ABI3: variants seen among roughly 807,000 people sequenced by gnomAD.
ABI3 encodes the protein ABI gene family member 3.
ABI3 carries 24 observed loss-of-function variants against 37.0 expected under a neutral mutation model. The ratio of observed to expected loss-of-function variants is 0.65; its 90% CI spans 0.47 to 0.91. The LOEUF is 0.91. Ranked by LOEUF, ABI3 falls within the 40% of genes least tolerant of loss-of-function variation. The pLI, the probability that ABI3 is intolerant of heterozygous loss-of-function variation, is 0.00. For synonymous variants in ABI3, 220 were observed against 211.8 expected, an observed-to-expected ratio of 1.04 and a Z score of -0.34; for missense variants, 481 against 485.1, an observed-to-expected ratio of 0.99 and a Z score of 0.08.
chr17:49,222,614 G>C lies in ABI3; in HGVS notation c.1000G>C (p.Val334Leu). The change falls in exon 8 of 8, where the codon GTC becomes CTC. Residue 334 changes from valine (V) to leucine (L), a missense_variant. By Grantham distance (32) the Val-to-Leu change is conservative. Transcript: ENST00000225941. ...DNELSFSEGT[V>L]ICVTRRYSDG... ...TGAGCTCTCCTTCTCTGAGGGCACTGTCATCTGTGTCACTCGCCGCTACTC... is the reference window on the plus strand; with the variant it reads ...TGAGCTCTCCTTCTCTGAGGGCACTCTCATCTGTGTCACTCGCCGCTACTC... The C allele has an allele frequency of 6.2e-7, 1 of 1,614,014 alleles. No individual in the cohort carries two copies. Among genetic ancestry groups the C allele is most frequent in the Non-Finnish European group, 8.5e-7 (1 of 1,180,026 alleles).
At position 49,216,564 on chromosome 17, in the gene ABI3, A is replaced by G. The variant is rs143614623; in HGVS notation, c.151A>G (p.Met51Val). The part of the protein sequence containing the change: ...TDKRKALEET[M>V]AFTTQALASV... ...CAAGCGGAAGGCGCTGGAGGAGACCATGGCCTTCACTACCCAGGCACTGGC... is the reference window on the plus strand; with the variant it reads ...CAAGCGGAAGGCGCTGGAGGAGACCGTGGCCTTCACTACCCAGGCACTGGC... Residue 51 changes from methionine (M) to valine (V), a missense_variant, in exon 2 of 8, where the codon ATG becomes GTG. Met to Val is a conservative substitution (Grantham distance 21). Coordinates refer to ENST00000225941, the MANE Select transcript of ABI3 (RefSeq NM_016428.3). 5 of 1,608,416 alleles carry G rather than the reference A, an allele frequency of 3.1e-6. No homozygotes were observed. Among genetic ancestry groups the G allele is most frequent in the Non-Finnish European group, 4.2e-6 (5 of 1,177,566 alleles).
At chr17:49,213,352 C>G (rs1195873533) in intron 1 of ABI3, among the ~76,000 whole-genome samples, 2 of 152,218 alleles carry the variant, frequency 1.3e-5, no homozygotes, top group Admixed American at 6.5e-5. Context: ...ACTACTAGAA[C>G]ACACAACTTG....
chr17:49,217,883 G>T lies in ABI3; in HGVS notation c.430G>T (p.Gly144Cys). 3 of 1,577,710 alleles carry T rather than the reference G, an allele frequency of 1.9e-6. No homozygotes were observed. In the South Asian group the frequency reaches 3.5e-5, roughly 18 times the overall value. Residue 144 changes from glycine (G) to cysteine (C), a missense_variant, in exon 3 of 8, where the codon GGC (glycine) becomes TGC (cysteine). Gly to Cys is a radical substitution (Grantham distance 159). Coordinates refer to ENST00000225941, the MANE Select transcript of ABI3 (RefSeq NM_016428.3). ...CTACTGCAGGAGACCCCTCAACTTT[G>T]GCTGCCTGGACGACATTGGCCATGG... Reference protein sequence around the residue: ...TPYCRRPLNFGCLDDIGHGIK... With the variant: ...TPYCRRPLNFCCLDDIGHGIK...
chr17:49,214,027 T>C (rs1462844142), intron 1 of ABI3, among the ~76,000 whole-genome samples: 2 of 152,218 alleles, frequency 1.3e-5, no homozygotes, highest in Non-Finnish European at 2.9e-5. Context: ...GACATGCAAA[T>C]GAGCATCTCT....
intron 1 of ABI3, among the ~76,000 whole-genome samples, chr17:49,212,891 T>A (rs2158512): frequency 6.6e-6 from 1 of 152,276 alleles, no homozygotes; most frequent in South Asian, 2.1e-4. Context: ...AAGGCATGTT[T>A]CCTCTATGGA....
rs2043257850 is a variant in ABI3, at chr17:49,219,615, G to A, written c.538G>A (p.Ala180Thr). 8.1e-6 allele frequency: 13 copies of A among 1,604,302 alleles called. No individual in the cohort carries two copies. The highest frequency in any genetic ancestry group is 1.3e-5 in the African/African-American group (1 of 74,702). Residue 180 changes from alanine to threonine, a missense_variant, in exon 4 of 8, where the codon GCC becomes ACC. Coordinates refer to ENST00000225941, the MANE Select transcript of ABI3 (RefSeq NM_016428.3). This position sits in a 1 kb window ranked among gnomAD's most constrained non-coding sequence, Gnocchi z 4.3. ...SIKAPATPAS[A>T]TLGRPPRIPE... The stretch of plus-strand genomic sequence containing the variant: ...CAAGGCCCCTGCCACACCCGCCTCC[G>A]CCACCTTGGGGTGAGGCCTCGCCGC...
intron 3 of ABI3, among the ~76,000 whole-genome samples, chr17:49,218,409 G>A (rs1198844790): frequency 6.6e-6 from 1 of 152,184 alleles, no homozygotes; most frequent in Non-Finnish European, 1.5e-5. Flanking sequence ...CTCAGCCTAT[G>A]TCCTTCTGCG....
chr17:49,216,442 T>G, intron 1 of ABI3, 89 bp from the exon 2 acceptor site: 1 of 1,278,424 alleles, frequency 7.8e-7, no homozygotes, highest in Non-Finnish European at 1.0e-6. Context: ...CAGCCCCTAC[T>G]TTCCCTATAT....
At position 49,219,992 on chromosome 17, in the gene ABI3, G is replaced by A; in HGVS notation, c.644+39G>A. On this transcript the variant is annotated intron_variant, in intron 5 of 7. Coordinates refer to ENST00000225941, the MANE Select transcript of ABI3 (RefSeq NM_016428.3). This position sits in a 1 kb window ranked among gnomAD's most constrained non-coding sequence, Gnocchi z 4.3. ...GCCCACGTGGGTGGGTGGGGGGTGGGAAGTGGCTTTTGAGAGGGGCCACCT... is the reference window on the plus strand; with the variant it reads ...GCCCACGTGGGTGGGTGGGGGGTGGAAAGTGGCTTTTGAGAGGGGCCACCT... The A allele has an allele frequency of 2.6e-6, 2 of 767,396 alleles. No individual in the cohort carries two copies. Among genetic ancestry groups the A allele is most frequent in the Non-Finnish European group, 4.5e-6 (2 of 443,198 alleles). The allele number at this position is 767,396 out of a possible 1,614,324, so 47.5% of individuals were successfully genotyped here.
chr17:49,215,140 G>T (rs922836560), intron 1 of ABI3, among the ~76,000 whole-genome samples: 1 of 152,212 alleles, frequency 6.6e-6, no homozygotes, highest in Non-Finnish European at 1.5e-5. Context: ...AGAAGCTGAG[G>T]CCTGCTAATA....
chr17:49,219,086 G>T lies in ABI3; in HGVS notation c.463-454G>T, dbSNP rs2043251654. On this transcript the variant is annotated intron_variant, in intron 3 of 7. Transcript: ENST00000225941. The surrounding 1 kb of genome is among the most constrained non-coding windows in gnomAD (Gnocchi z 4.3). ...TGCGCATCCCCTCTAAGTGGCCTGG[G>T]TCTTGCTCCTCTCTGCCCTAACTCC... is the stretch of plus-strand genomic sequence containing the variant. 6.6e-6 allele frequency among the ~76,000 whole-genome samples: 1 copy of T among 152,120 alleles called. No individual in the cohort carries two copies. Among genetic ancestry groups the T allele is most frequent in the South Asian group, 2.1e-4 (1 of 4,828 alleles).
Position 49,223,043 on chromosome 17 carries a change from A to G in ABI3, c.*328A>G, listed in dbSNP as rs915313566. On this transcript the variant is annotated 3_prime_UTR_variant, in exon 8 of 8. Coordinates refer to ENST00000225941, the MANE Select transcript of ABI3 (RefSeq NM_016428.3). The stretch of plus-strand genomic sequence containing the variant: ...GACTGCCCCACAGAGATAAGGGGCC[A>G]GGAGGGATTGAAAGGCATCCCAGTT... 4 of 445,822 alleles carry G rather than the reference A, an allele frequency of 9.0e-6. No homozygotes were observed. Among genetic ancestry groups the G allele is most frequent in the African/African-American group, 5.9e-5 (3 of 50,490 alleles). The allele number at this position is 445,822 out of a possible 1,614,324, so 27.6% of individuals were successfully genotyped here.
At position 49,218,772 on chromosome 17, in the gene ABI3, T is replaced by A. The variant is rs2043248237; in HGVS notation, c.463-768T>A. Among the ~76,000 whole-genome samples, 6 of 145,076 alleles carry A rather than the reference T, an allele frequency of 4.1e-5. No individual in the cohort carries two copies. In the South Asian group the frequency reaches 1.3e-3, roughly 31 times the overall value. On this transcript the variant is annotated intron_variant, in intron 3 of 7. Coordinates refer to ENST00000225941, the MANE Select transcript of ABI3 (RefSeq NM_016428.3). ...GCGCCCGCCACCATGCCCGGCTAAT[T>A]TTTTTTTTTTTTTTTTGTATTTTTA...
Position 49,212,302 on chromosome 17 carries a change from C to T in ABI3, c.117+1461C>T, listed in dbSNP as rs565533665. ...TCTTTCCTCTCCATCTTTCTGCCTC[C>T]CTACACGCTATGTGACTTTACGACA... On this transcript the variant is annotated intron_variant, in intron 1 of 7. Coordinates refer to ENST00000225941, the MANE Select transcript of ABI3 (RefSeq NM_016428.3). Among the ~76,000 whole-genome samples, 3 of 152,234 alleles carry T rather than the reference C, an allele frequency of 2.0e-5. 1 individual carries two copies. The highest frequency in any genetic ancestry group is 7.2e-5 in the African/African-American group (3 of 41,530).
chr17:49,220,454 CA>C (rs2043272516), intron 6 of ABI3, 128 bp downstream of exon 6: 1 of 1,248,050 alleles, frequency 8.0e-7, no homozygotes. Context: ...GAGCGCAGCA[CA>C]GGGGCGAAAG....
At position 49,220,258 on chromosome 17, in the gene ABI3, C is replaced by T; in HGVS notation, c.734C>T (p.Pro245Leu). Residue 245 changes from proline (P) to leucine (L), a missense_variant, in exon 6 of 8, where the codon CCT becomes CTT. Transcript: ENST00000225941. ...CTCCCCAGCTCCTTGGACCCACCTC[C>T]TCCACCAGCAGCCGTCGAGGTGTTC... Reference protein sequence around the residue: ...PPLPSSLDPPPPPAAVEVFQR... With the variant: ...PPLPSSLDPPLPPAAVEVFQR... The T allele has an allele frequency of 1.2e-6, 2 of 1,610,054 alleles. No homozygotes were observed. The highest frequency in any genetic ancestry group is 1.7e-6 in the Non-Finnish European group (2 of 1,178,804).
chr17:49,221,129 C>T (rs1396686301), intron 6 of ABI3, among the ~76,000 whole-genome samples: 1 of 144,706 alleles, frequency 6.9e-6, no homozygotes, highest in Non-Finnish European at 1.5e-5. Flanking sequence ...GCCGAGATCA[C>T]CACACTGCAC....
In ABI3 at chr17:49,217,759, GA is replaced by G; in HGVS notation, c.308del (p.Lys103ArgfsTer10). The G allele has an allele frequency of 1.2e-6, 2 of 1,609,510 alleles. No individual in the cohort carries two copies. The highest frequency in any genetic ancestry group is 1.7e-6 in the Non-Finnish European group (2 of 1,178,040). Reference sequence around the variant, plus strand: ...TGCAGATGGTGAACATGCATATGGAGAAGGTGGCCCGAAGGGAGATCGGCAC... The same window carrying G: ...TGCAGATGGTGAACATGCATATGGAGAGGTGGCCCGAAGGGAGATCGGCAC... ...LGQMVNMHME[K>X]VARREIGTLA... On this transcript the variant is annotated frameshift_variant, in exon 3 of 8. Coordinates refer to ENST00000225941, the MANE Select transcript of ABI3 (RefSeq NM_016428.3). LOFTEE classifies it high-confidence loss of function.
At chr17:49,211,675 G>A (rs558195172) in intron 1 of ABI3, among the ~76,000 whole-genome samples, 163 of 151,730 alleles carry the variant, frequency 1.1e-3, no homozygotes, top group Non-Finnish European at 1.4e-3. Context: ...CTTTTTTTTC[G>A]CTCTTGTTGT....
Sources: allele counts gnomAD v4.1 joint callset (sites outside exome capture counted in the v4.1 genomes callset), GRCh38; gene constraint gnomAD v4.1.1; non-coding constraint Gnocchi (gnomAD v3.1); transcripts MANE v1.5; gene names NCBI Gene and HGNC (gene_info 2026-07-23, HGNC 2026-07-21).